The following GPR18 variants were observed in gnomAD, a reference collection of about 807,000 sequenced individuals.
GPR18 encodes N-arachidonyl glycine receptor.
GPR18 carries 20 observed loss-of-function variants against 22.8 expected under a neutral mutation model. The observed-to-expected ratio is 0.88, with a 90% CI of 0.62 to 1.28. The LOEUF (loss-of-function observed/expected upper bound fraction) is 1.28, where lower values mean the gene tolerates loss of function less well. GPR18 is among the 50% of genes most tolerant of loss of function. The pLI is 0.00. For missense variants in GPR18, 379 were observed against 412.0 expected, an observed-to-expected ratio of 0.92 and a Z score of 0.69; for synonymous variants, 160 against 155.3, an observed-to-expected ratio of 1.03 and a Z score of -0.22.
rs2043535031 is a variant in GPR18, at chr13:99,255,503, C to T, written c.370G>A (p.Val124Ile). The change falls in exon 2 of 2, where the codon GTA (valine) becomes ATA (isoleucine). Residue 124 changes from valine to isoleucine, a missense_variant. Transcript: ENST00000397470. ...AGTTCTTTGGCGTACTTCGGCTGTA[C>T]AATGGCCATGTATCTGTCAGCACTA... ...FISADRYMAI[V>I]QPKYAKELKN... is the part of the protein sequence containing the mutation. 2 of 1,613,988 alleles carry T rather than the reference C, an allele frequency of 1.2e-6. No individual in the cohort carries two copies. Among genetic ancestry groups the T allele is most frequent in the South Asian group, 2.2e-5 (2 of 91,080 alleles).
chr13:99,255,040 C>T lies in GPR18; in HGVS notation c.833G>A (p.Ser278Asn), dbSNP rs757282650. 2 of 1,614,106 alleles carry T rather than the reference C, an allele frequency of 1.2e-6. No individual in the cohort carries two copies. The highest frequency in any genetic ancestry group is 1.7e-6 in the Non-Finnish European group (2 of 1,180,030). The change falls in exon 2 of 2, where the codon AGC (serine) becomes AAC (asparagine). Residue 278 changes from serine (S) to asparagine (N), a missense_variant. Transcript: ENST00000397470. Reference protein sequence around the residue: ...GAFTTFLMNLSTCLDVILYYI... With the variant: ...GAFTTFLMNLNTCLDVILYYI... ...GTAGAGAATCACATCCAGACACGTG[C>T]TGAGGTTCATGAGGAAGGTGGTAAA...
intron 1 of GPR18, chr13:99,256,538 C>T (rs1011235494): frequency 4.6e-5 from 7 of 152,122 alleles, no homozygotes; most frequent in African/African-American, 1.4e-4. Flanking sequence ...AAGCTAGTGC[C>T]GTTAGTAACT....
rs748201402 is a variant in GPR18, at chr13:99,255,285, GA to G, written c.587del (p.Phe196SerfsTer2). On this transcript the variant is annotated frameshift_variant, in exon 2 of 2. Coordinates refer to ENST00000397470, the MANE Select transcript of GPR18 (RefSeq NM_001098200.2). LOFTEE classifies it high-confidence loss of function. ...CAATCATGATGAACAAAGGAATCAA[GA>G]AAAAAAATGTCAGTCGAGTGAGGTT... is the stretch of plus-strand genomic sequence containing the variant. ...VLNLTRLTFF[F>X]LIPLFIMIGC... 30 of 1,613,786 alleles carry G rather than the reference GA, an allele frequency of 1.9e-5. No homozygotes were observed. Among genetic ancestry groups the G allele is most frequent in the Non-Finnish European group, 2.5e-5 (30 of 1,179,926 alleles).
rs2043517995 is a variant in GPR18, at chr13:99,254,983, A to G, written c.890T>C (p.Val297Ala). ...YIVSKQFQAR[V>A]ISVMLYRNYL... ...ATTACGGTATAGCATGACACTAATG[A>G]CTCGAGCCTGAAATTGTTTTGAAAC... is the stretch of plus-strand genomic sequence containing the variant. The change falls in exon 2 of 2, where the codon GTC (valine) becomes GCC (alanine). Residue 297 changes from valine (V) to alanine (A), a missense_variant. By Grantham distance (64) the Val-to-Ala change is moderately conservative. Coordinates refer to ENST00000397470, the MANE Select transcript of GPR18 (RefSeq NM_001098200.2). The G allele has an allele frequency of 1.2e-6, 2 of 1,613,952 alleles. No homozygotes were observed. Among genetic ancestry groups the G allele is most frequent in the Non-Finnish European group, 1.7e-6 (2 of 1,180,018 alleles).
Position 99,258,139 on chromosome 13 carries a change from T to C in GPR18, c.-35+15A>G, listed in dbSNP as rs764995966. On this transcript the variant is annotated intron_variant, in intron 1 of 1. Transcript: ENST00000397470. ...CTTTTGACAATAATCATGAAGTTAA[T>C]TAAATGCTGCTTACCTCCTGTCCAT... The C allele has an allele frequency of 2.6e-5, 4 of 152,246 alleles. No individual in the cohort carries two copies. Among genetic ancestry groups the C allele is most frequent in the Non-Finnish European group, 4.4e-5 (3 of 68,046 alleles). 9.4% of individuals were successfully genotyped at this position (152,246 alleles called of 1,614,324 possible).
intron 1 of GPR18, among the ~76,000 whole-genome samples, 200 bp downstream of exon 1, chr13:99,257,953 TA>T (rs1288078287): frequency 2.6e-5 from 4 of 152,234 alleles, no homozygotes; most frequent in Admixed American, 6.5e-5. Flanking sequence ...TAATTAAATA[TA>T]TTTTTTTAAT....
Position 99,254,820 on chromosome 13 carries a change from G to T in GPR18, c.*57C>A. The T allele has an allele frequency of 1.5e-6, 2 of 1,340,622 alleles. No homozygotes were observed. The highest frequency in any genetic ancestry group is 2.1e-6 in the Non-Finnish European group (2 of 958,710). The allele number at this position is 1,340,622 out of a possible 1,614,324, so 83.0% of individuals were successfully genotyped here. On this transcript the variant is annotated 3_prime_UTR_variant, in exon 2 of 2. Coordinates refer to ENST00000397470, the MANE Select transcript of GPR18 (RefSeq NM_001098200.2). Reference sequence around the variant, plus strand: ...AGTATTATACAGAATATCCATTGACGCCAGAGTAGTTAGTGAAGTGAATTT... The same window carrying T: ...AGTATTATACAGAATATCCATTGACTCCAGAGTAGTTAGTGAAGTGAATTT...
At position 99,255,854 on chromosome 13, in the gene GPR18, G is replaced by C. The variant is rs369303917; in HGVS notation, c.19C>G (p.Gln7Glu). 3.3e-5 allele frequency: 52 copies of C among 1,587,732 alleles called. No homozygotes were observed. The highest frequency in any genetic ancestry group is 4.2e-5 in the Non-Finnish European group (49 of 1,167,922). Residue 7 changes from glutamine to glutamate, a missense_variant, in exon 2 of 2, where the codon CAA becomes GAA. Gln to Glu is a conservative substitution (Grantham distance 29). Coordinates refer to ENST00000397470, the MANE Select transcript of GPR18 (RefSeq NM_001098200.2). ...CTGTTAAAAGGGACAGGTTGATCTTGATTGTTCAGGGTGATCATTTTACAG... is the reference window on the plus strand; with the variant it reads ...CTGTTAAAAGGGACAGGTTGATCTTCATTGTTCAGGGTGATCATTTTACAG... The part of the protein sequence containing the change: MITLNN[Q>E]DQPVPFNSSH...
Position 99,257,869 on chromosome 13 carries a change from T to C in GPR18, c.-35+285A>G, listed in dbSNP as rs554422719. Among the ~76,000 whole-genome samples, 3 of 152,360 alleles carry C rather than the reference T, an allele frequency of 2.0e-5. No homozygotes were observed. The South Asian group carries it at 6.2e-4, about 32-fold the overall frequency. Reference sequence around the variant, plus strand: ...AATATTGAAAATAAATGTAAAATCATATTAATGTGGAAAGATGATTATATA... The same window carrying C: ...AATATTGAAAATAAATGTAAAATCACATTAATGTGGAAAGATGATTATATA... On this transcript the variant is annotated intron_variant, in intron 1 of 1. Transcript: ENST00000397470.
rs573566392 is a variant in GPR18 at position 99,255,919 on chromosome 13, T to C, written c.-34-13A>G. 3.3e-5 allele frequency: 48 copies of C among 1,467,840 alleles called. No individual in the cohort carries two copies. In the East Asian group the frequency reaches 1.1e-3, roughly 33 times the overall value. The allele number at this position is 1,467,840 out of a possible 1,614,324, so 90.9% of individuals were successfully genotyped here. A position where few individuals can be genotyped will look rare whatever the true frequency, so the allele number is the denominator to read the frequency against. ...TGATACTTAGAAACTGTAAAAATAG[T>C]TAAGAAAAATAAGAATAAAATCGTT... On this transcript the variant is annotated splice_polypyrimidine_tract_variant and intron_variant, in intron 1 of 1. Transcript: ENST00000397470.
intron 1 of GPR18, among the ~76,000 whole-genome samples, chr13:99,256,117 G>A (rs933568276): frequency 3.3e-5 from 5 of 152,082 alleles, no homozygotes; most frequent in African/African-American, 1.2e-4. Flanking sequence ...TAGCCCCACT[G>A]TCTATTGAGC....
rs755502855 is a variant in GPR18, at chr13:99,255,452, C to G, written c.421G>C (p.Ala141Pro). ...ELKNTCKAVL[A>P]CVGVWIMTLT... Reference sequence around the variant, plus strand: ...GTCATTATCCAGACTCCCACACACGCCAGCACGGCTTTGCACGTGTTTTTA... The same window carrying G: ...GTCATTATCCAGACTCCCACACACGGCAGCACGGCTTTGCACGTGTTTTTA... The change falls in exon 2 of 2, where the codon GCG (alanine) becomes CCG (proline). Residue 141 changes from alanine to proline, a missense_variant. Physicochemically the swap from Ala to Pro is conservative, Grantham distance 27. Coordinates refer to ENST00000397470, the MANE Select transcript of GPR18 (RefSeq NM_001098200.2). 12 of 1,614,054 alleles carry G rather than the reference C, an allele frequency of 7.4e-6. 1 individual carries two copies. The South Asian group carries it at 1.3e-4, about 18-fold the overall frequency.
At position 99,254,814 on chromosome 13, in the gene GPR18, A is replaced by G; in HGVS notation, c.*63T>C. 19 of 1,271,120 alleles carry G rather than the reference A, an allele frequency of 1.5e-5. No homozygotes were observed. The South Asian group carries it at 2.2e-4, about 15-fold the overall frequency. 78.7% of individuals were successfully genotyped at this position (1,271,120 alleles called of 1,614,324 possible). A position where few individuals can be genotyped will look rare whatever the true frequency, so the allele number is the denominator to read the frequency against. ...CTTGATAGTATTATACAGAATATCC[A>G]TTGACGCCAGAGTAGTTAGTGAAGT... On this transcript the variant is annotated 3_prime_UTR_variant, in exon 2 of 2. Coordinates refer to ENST00000397470, the MANE Select transcript of GPR18 (RefSeq NM_001098200.2).
Position 99,255,332 on chromosome 13 carries a change from G to C in GPR18, c.541C>G (p.Leu181Val). Residue 181 changes from leucine (L) to valine (V), a missense_variant, in exon 2 of 2, where the codon CTA (leucine) becomes GTA (valine). Transcript: ENST00000397470. ...AGGTTCAGCACGTTCACAGCTTTTA[G>C]ATAGATGATGTCAGAAATCTTGAGG... ...TCLKISDIIYLKAVNVLNLTR... is the reference protein window; with the variant it reads ...TCLKISDIIYVKAVNVLNLTR... The C allele has an allele frequency of 6.2e-7, 1 of 1,614,130 alleles. No individual in the cohort carries two copies. The highest frequency in any genetic ancestry group is 8.5e-7 in the Non-Finnish European group (1 of 1,180,026).
chr13:99,255,072 C>T lies in GPR18; in HGVS notation c.801G>A (p.Trp267Ter), dbSNP rs2043520528. Residue 267 changes from tryptophan to a stop codon, truncating the protein, a stop_gained, in exon 2 of 2, where the codon TGG becomes TGA. Transcript: ENST00000397470. LOFTEE classifies it high-confidence loss of function. ...TCATGAGGAAGGTGGTAAAGGCTCC[C>T]CAGGGATTGTAACTGTTCTCCCCCG... is the stretch of plus-strand genomic sequence containing the variant. ...LGTGENSYNP[W>*]GAFTTFLMNL... is the part of the protein sequence containing the mutation. 1 of 1,613,844 alleles carries T rather than the reference C, an allele frequency of 6.2e-7. No individual in the cohort carries two copies. The highest frequency in any genetic ancestry group is 8.5e-7 in the Non-Finnish European group (1 of 1,180,008).
chr13:99,255,446 C>T lies in GPR18; in HGVS notation c.427G>A (p.Val143Met), dbSNP rs370331461. 235 of 1,613,984 alleles carry T rather than the reference C, an allele frequency of 1.5e-4. 1 individual carries two copies. The highest frequency in any genetic ancestry group is 1.8e-4 in the Non-Finnish European group (214 of 1,180,030). The change falls in exon 2 of 2, where the codon GTG becomes ATG. Residue 143 changes from valine to methionine, a missense_variant. Physicochemically the swap from Val to Met is conservative, Grantham distance 21. Transcript: ENST00000397470. ...GTCAGGGTCATTATCCAGACTCCCA[C>T]ACACGCCAGCACGGCTTTGCACGTG... ...KNTCKAVLAC[V>M]GVWIMTLTTT...
intron 1 of GPR18, among the ~76,000 whole-genome samples, chr13:99,257,257 A>G (rs750807050): frequency 2.0e-5 from 3 of 152,236 alleles, no homozygotes; most frequent in Admixed American, 1.3e-4. Flanking sequence ...AGTGCTACAG[A>G]GAAAAATTAT....
rs376476131 is a variant in GPR18, at chr13:99,255,418, G to A, written c.455C>T (p.Thr152Met). The change falls in exon 2 of 2, where the codon ACG (threonine) becomes ATG (methionine). Residue 152 changes from threonine (T) to methionine (M), a missense_variant. By Grantham distance (81) the Thr-to-Met change is moderately conservative. Coordinates refer to ENST00000397470, the MANE Select transcript of GPR18 (RefSeq NM_001098200.2). ...CVGVWIMTLT[T>M]TTPLLLLYKD... ...ATAGAGCAGTAGCAGAGGGGTGGTCGTGGTCAGGGTCATTATCCAGACTCC... is the reference window on the plus strand; with the variant it reads ...ATAGAGCAGTAGCAGAGGGGTGGTCATGGTCAGGGTCATTATCCAGACTCC... The A allele has an allele frequency of 4.2e-5, 68 of 1,613,954 alleles. No individual in the cohort carries two copies. Among genetic ancestry groups the A allele is most frequent in the Non-Finnish European group, 5.3e-5 (63 of 1,180,022 alleles).
intron 1 of GPR18, among the ~76,000 whole-genome samples, chr13:99,257,044 TGTGGTTAAACACAAGAAAC>T (rs2043574404): frequency 6.6e-6 from 1 of 152,226 alleles, no homozygotes; most frequent in Non-Finnish European, 1.5e-5. Context: ...GAGCAATTGC[TGTGGTTAAACACAAGAAAC>T]GTGCCTGTCT....
Sources: gnomAD v4.1 joint callset for allele counts (sites outside exome capture counted in the v4.1 genomes callset) on GRCh38, gnomAD v4.1.1 for gene constraint, MANE v1.5 for transcripts, NCBI Gene and HGNC (gene_info 2026-07-23, HGNC 2026-07-21) for gene names.